BMP6: variants seen among roughly 807,000 people sequenced by gnomAD.
BMP6 encodes the protein VG-1-R.
A neutral mutation model predicts 54.1 loss-of-function variants in BMP6; 17 were observed. The ratio of observed to expected loss-of-function variants is 0.31; its 90% confidence interval spans 0.22 to 0.47. The LOEUF is 0.47. BMP6 is among the 20% of genes least tolerant of loss of function. The pLI, the probability that BMP6 is intolerant of heterozygous loss-of-function variation, is 1.00. For missense variants in BMP6, 720 were observed against 690.4 expected (o/e 1.04, Z -0.48); for synonymous variants, 328 against 291.2 (o/e 1.13, Z -1.28).
chr6:7,799,238 A>G (rs1311038289), intron 1 of BMP6, among the ~76,000 whole-genome samples: 6 of 152,238 alleles, frequency 3.9e-5, no homozygotes, highest in Non-Finnish European at 4.4e-5. Context: ...TAAAATTACT[A>G]TACTCCTTTC....
At chr6:7,820,640 G>T (rs1393246801) in intron 1 of BMP6, among the ~76,000 whole-genome samples, 2 of 152,166 alleles carry the variant, frequency 1.3e-5, no homozygotes, top group Non-Finnish European at 2.9e-5. Context: ...CATTCCCCGA[G>T]GCAGGTGAGC....
intron 1 of BMP6, among the ~76,000 whole-genome samples, chr6:7,813,108 A>AAAAAAAAAAAAATATAT (rs1554122651): frequency 9.3e-5 from 2 of 21,490 alleles, no homozygotes; most frequent in African/African-American, 3.9e-4. Context: ...AAAAAAAAAA[A>AAAAAAAAAAAAATATAT]ATATATATAT....
intron 1 of BMP6, among the ~76,000 whole-genome samples, chr6:7,793,226 G>A (rs1411904436): frequency 6.6e-6 from 1 of 152,042 alleles, no homozygotes. Flanking sequence ...AGCTACAGAG[G>A]AATATAGAGT....
At chr6:7,829,223 T>A (rs1341451025) in intron 1 of BMP6, among the ~76,000 whole-genome samples, 2 of 152,206 alleles carry the variant, frequency 1.3e-5, no homozygotes, top group Admixed American at 6.5e-5. Context: ...CTCTCAATTT[T>A]TCAAGGAATG....
chr6:7,728,847 C>T (rs886837656), intron 1 of BMP6, among the ~76,000 whole-genome samples: 6 of 152,208 alleles, frequency 3.9e-5, no homozygotes, highest in Admixed American at 2.6e-4. Flanking sequence ...CATCTTTTAA[C>T]GGCATTACTT....
intron 1 of BMP6, among the ~76,000 whole-genome samples, chr6:7,756,859 G>A (rs749124449): frequency 5.3e-5 from 8 of 152,242 alleles, no homozygotes; most frequent in East Asian, 3.9e-4. Context: ...TCTCCAGCAC[G>A]CAAACTTTCC....
At chr6:7,754,878 C>T (rs553492476) in intron 1 of BMP6, among the ~76,000 whole-genome samples, 53 of 152,192 alleles carry the variant, frequency 3.5e-4, no homozygotes, top group Non-Finnish European at 7.1e-4. Context: ...CCACCACGCC[C>T]GGCTAATTTT....
chr6:7,727,224 C>CGCACCG lies in BMP6; in HGVS notation c.272_277dup (p.His91_Arg92dup), dbSNP rs758374667. ...GAGATCTTGTCGGTGCTGGGGCTCCCGCACCGGCCCCGGCCCCTGCACGGC... is the reference window on the plus strand; with the variant it reads ...GAGATCTTGTCGGTGCTGGGGCTCCCGCACCGGCACCGGCCCCGGCCCCTGCACGGC... On this transcript the variant is annotated inframe_insertion, in exon 1 of 7. Transcript: ENST00000283147. 1.6e-5 allele frequency: 26 copies of CGCACCG among 1,605,678 alleles called. No individual in the cohort carries two copies. The highest frequency in any genetic ancestry group is 2.2e-5 in the Non-Finnish European group (26 of 1,176,910).
In BMP6 at chr6:7,727,209, C is replaced by T. The variant is rs753793938; in HGVS notation, c.254C>T (p.Ser85Leu). The change falls in exon 1 of 7, where the codon TCG (serine) becomes TTG (leucine). Residue 85 changes from serine to leucine, a missense_variant. Transcript: ENST00000283147. ...EKREMQKEIL[S>L]VLGLPHRPRP... ...CGGGAGATGCAGAAGGAGATCTTGT[C>T]GGTGCTGGGGCTCCCGCACCGGCCC... 1.9e-6 allele frequency: 3 copies of T among 1,605,044 alleles called. No homozygotes were observed. Among genetic ancestry groups the T allele is most frequent in the East Asian group, 2.2e-5 (1 of 44,476 alleles).
intron 1 of BMP6, among the ~76,000 whole-genome samples, chr6:7,777,946 C>G (rs1209259988): frequency 6.6e-6 from 1 of 151,956 alleles, no homozygotes; most frequent in African/African-American, 2.4e-5. Flanking sequence ...ATGGCATTGC[C>G]CTTCTGTTTT....
At chr6:7,790,967 A>G (rs1758095510) in intron 1 of BMP6, among the ~76,000 whole-genome samples, 1 of 152,114 alleles carries the variant, frequency 6.6e-6, no homozygotes, top group Non-Finnish European at 1.5e-5. Context: ...GAGCATTTAT[A>G]CACGCTTGAG....
chr6:7,761,274 T>C (rs1015433602), intron 1 of BMP6, among the ~76,000 whole-genome samples: 2 of 152,260 alleles, frequency 1.3e-5, no homozygotes, highest in Non-Finnish European at 2.9e-5. Flanking sequence ...TTGCATCATG[T>C]ACAACCTGTT....
chr6:7,832,826 C>G (rs1414195557), intron 1 of BMP6, among the ~76,000 whole-genome samples: 1 of 150,038 alleles, frequency 6.7e-6, no homozygotes, highest in Non-Finnish European at 1.5e-5. Context: ...AAGCTCACTT[C>G]CAGGGCAAGT....
intron 4 of BMP6, among the ~76,000 whole-genome samples, chr6:7,864,691 C>T (rs149472549): frequency 1.0e-3 from 157 of 152,274 alleles, no homozygotes; most frequent in African/African-American, 3.0e-3. Flanking sequence ...GAGGATCCAC[C>T]GCCCAGCGTG....
rs1261438492 is a variant in BMP6 at position 7,852,655 on chromosome 6, TC to T, written c.857+7325del. Among the ~76,000 whole-genome samples, 3 of 152,202 alleles carry T rather than the reference TC, an allele frequency of 2.0e-5. No individual in the cohort carries two copies. The East Asian group carries it at 5.8e-4, about 29-fold the overall frequency. On this transcript the variant is annotated intron_variant, in intron 2 of 6. Transcript: ENST00000283147. Reference sequence around the variant, plus strand: ...CTGGAATGTTTACAAGAGCCCCTCTTCCTTGGTGGACTCTGTACTCGATTTT... The same window carrying T: ...CTGGAATGTTTACAAGAGCCCCTCTTCTTGGTGGACTCTGTACTCGATTTT...
At chr6:7,832,716 C>G (rs959862588) in intron 1 of BMP6, among the ~76,000 whole-genome samples, 1 of 148,750 alleles carries the variant, frequency 6.7e-6, no homozygotes, top group African/African-American at 2.5e-5. Context: ...TGTACCTACC[C>G]TTGTTTTATG....
chr6:7,868,431 C>T (rs921214236), intron 4 of BMP6, among the ~76,000 whole-genome samples: 1 of 152,216 alleles, frequency 6.6e-6, no homozygotes, highest in African/African-American at 2.4e-5. Context: ...GCTGCGCGTT[C>T]TTCAATGGCT....
chr6:7,784,208 C>A (rs1048698127), intron 1 of BMP6, among the ~76,000 whole-genome samples: 2 of 152,128 alleles, frequency 1.3e-5, no homozygotes, highest in Admixed American at 1.3e-4. Flanking sequence ...TTCCTTCTTC[C>A]CAGTTTCCTT....
chr6:7,780,393 CA>C (rs1757924775), intron 1 of BMP6, among the ~76,000 whole-genome samples: 1 of 152,012 alleles, frequency 6.6e-6, no homozygotes, highest in Non-Finnish European at 1.5e-5. Flanking sequence ...ACTGAAAATA[CA>C]AAAAATTAGC....
Sources: gnomAD v4.1 joint callset for allele counts (sites outside exome capture counted in the v4.1 genomes callset) on GRCh38, gnomAD v4.1.1 for gene constraint, MANE v1.5 for transcripts, NCBI Gene and HGNC (gene_info 2026-07-23, HGNC 2026-07-21) for gene names.